Variants in ZNF385D observed in about 807,000 individuals in gnomAD.
ZNF385D encodes zinc finger protein 659.
In ZNF385D, 15 loss-of-function variants were observed where a neutral mutation model predicts 35.8. The observed-to-expected ratio is 0.42, with a 90% CI of 0.28 to 0.64. ZNF385D has a LOEUF of 0.64. Among genes scored for constraint, ZNF385D ranks in the 30% least tolerant of loss-of-function variants. The probability of loss-of-function intolerance (pLI) is 0.23; values close to 1 mark genes in which losing one functional copy is unlikely to be tolerated. For synonymous variants in ZNF385D, 212 were observed against 186.8 expected (o/e 1.13, Z -1.10); for missense variants, 474 against 494.6 (o/e 0.96, Z 0.39).
intron 3 of ZNF385D, among the ~76,000 whole-genome samples, chr3:21,818,013 T>C (rs948690350): frequency 2.0e-5 from 3 of 152,086 alleles, no homozygotes; most frequent in Admixed American, 2.0e-4. Context: ...AAAGGATGAG[T>C]TCATGTCCTT....
rs139424598 is a variant in ZNF385D at position 22,144,499 on chromosome 3, G to A, written c.325+24318C>T. 4.0e-3 allele frequency among the ~76,000 whole-genome samples: 558 copies of A among 139,582 alleles called. 2 individuals are homozygous for A. Among genetic ancestry groups the A allele is most frequent in the African/African-American group, 0.014 (523 of 36,836 alleles). 91.6% of individuals were successfully genotyped at this position (139,582 alleles called of 152,430 possible). A position where few individuals can be genotyped will look rare whatever the true frequency, so the allele number is the denominator to read the frequency against. On this transcript the variant is annotated intron_variant, in intron 3 of 5. Transcript: ENST00000494108. Reference sequence around the variant, plus strand: ...TAAGGCAGGAAATTGCTTGAAGACAGGAGGCAGAGGCAGCAATGAGCCAAG... The same window carrying A: ...TAAGGCAGGAAATTGCTTGAAGACAAGAGGCAGAGGCAGCAATGAGCCAAG...
intron 2 of ZNF385D, among the ~76,000 whole-genome samples, chr3:22,271,769 T>C (rs1313490101): frequency 2.0e-5 from 3 of 151,952 alleles, no homozygotes; most frequent in Non-Finnish European, 2.9e-5. Flanking sequence ...AACCATCCAG[T>C]CAGACTCAAA....
intron 3 of ZNF385D, among the ~76,000 whole-genome samples, chr3:22,050,454 G>A (rs748286269): frequency 2.0e-5 from 3 of 152,152 alleles, no homozygotes; most frequent in Non-Finnish European, 2.9e-5. Context: ...GAATTAAGCT[G>A]TAAAATCATC....
chr3:22,130,545 C>G (rs191384892), intron 3 of ZNF385D, among the ~76,000 whole-genome samples: 47 of 152,256 alleles, frequency 3.1e-4, no homozygotes, highest in African/African-American at 1.1e-3. Flanking sequence ...GCCAAATCTG[C>G]TCCGTGTTGC....
intron 2 of ZNF385D, among the ~76,000 whole-genome samples, chr3:22,303,164 G>T (rs1300821758): frequency 1.3e-5 from 2 of 152,104 alleles, no homozygotes; most frequent in Non-Finnish European, 2.9e-5. Context: ...GGCTGCACAT[G>T]TTGCCTAGAA....
chr3:22,175,016 T>TCC (rs1694723363), intron 2 of ZNF385D, among the ~76,000 whole-genome samples: 3 of 151,978 alleles, frequency 2.0e-5, no homozygotes, highest in African/African-American at 7.2e-5. Flanking sequence ...TAGAGTCTCT[T>TCC]ATAAAGAGTT....
At chr3:21,914,229 G>C (rs998899182) in intron 3 of ZNF385D, among the ~76,000 whole-genome samples, 1 of 152,054 alleles carries the variant, frequency 6.6e-6, no homozygotes, top group African/African-American at 2.4e-5. Context: ...TGTGGTCACT[G>C]TGTTTATTTT....
At chr3:21,461,726 T>C (rs1703190951) in intron 4 of ZNF385D, among the ~76,000 whole-genome samples, 1 of 152,220 alleles carries the variant, frequency 6.6e-6, no homozygotes. Flanking sequence ...TAATTAGGTC[T>C]CTAGCCATTT....
intron 1 of ZNF385D, among the ~76,000 whole-genome samples, chr3:21,744,362 C>T (rs570383440): frequency 6.6e-6 from 1 of 152,282 alleles, no homozygotes; most frequent in South Asian, 2.1e-4. Context: ...ACCACTTTCC[C>T]TCATCAGCAA....
intron 3 of ZNF385D, among the ~76,000 whole-genome samples, chr3:21,851,841 A>G (rs1422466889): frequency 1.3e-5 from 2 of 151,946 alleles, no homozygotes; most frequent in Admixed American, 1.3e-4. Flanking sequence ...TATAGACAAC[A>G]TTCTATTTTT....
chr3:21,632,553 G>T (rs911633333), intron 2 of ZNF385D, among the ~76,000 whole-genome samples: 1 of 152,148 alleles, frequency 6.6e-6, no homozygotes, highest in African/African-American at 2.4e-5. Context: ...CCAAAGGAAT[G>T]CAGTTAAGGG....
At chr3:22,021,582 A>C (rs981616876) in intron 3 of ZNF385D, among the ~76,000 whole-genome samples, 4 of 152,192 alleles carry the variant, frequency 2.6e-5, no homozygotes, top group South Asian at 2.1e-4. Context: ...TTTTGTGAGG[A>C]CTGAGTGAGA....
At chr3:21,962,805 T>C (rs259568) in intron 3 of ZNF385D, among the ~76,000 whole-genome samples, 21,148 of 152,218 alleles carry the variant, frequency 0.14, 3,549 homozygotes, top group African/African-American at 0.4. Flanking sequence ...TGTTTCCTGA[T>C]GAGGGAACAT....
chr3:22,289,439 C>T (rs184616223), intron 2 of ZNF385D, among the ~76,000 whole-genome samples: 3 of 152,118 alleles, frequency 2.0e-5, no homozygotes, highest in African/African-American at 4.8e-5. Flanking sequence ...CAAGAAGTAA[C>T]CAAAATCTCA....
At chr3:22,264,462 G>A (rs1052045106) in intron 2 of ZNF385D, among the ~76,000 whole-genome samples, 7 of 152,004 alleles carry the variant, frequency 4.6e-5, no homozygotes, top group African/African-American at 1.7e-4. Context: ...CAATGCATGG[G>A]TCAGAGCCTA....
At chr3:22,085,954 C>T (rs1056690159) in intron 3 of ZNF385D, among the ~76,000 whole-genome samples, 1 of 152,136 alleles carries the variant, frequency 6.6e-6, no homozygotes, top group African/African-American at 2.4e-5. Context: ...TGATAGAAAC[C>T]ACGATTATCT....
At chr3:22,128,296 C>G (rs2125680147) in intron 3 of ZNF385D, among the ~76,000 whole-genome samples, 1 of 152,232 alleles carries the variant, frequency 6.6e-6, no homozygotes, top group East Asian at 1.9e-4. Context: ...TTTCTTTTCT[C>G]TTGCTATTCT....
intron 2 of ZNF385D, among the ~76,000 whole-genome samples, chr3:22,209,961 GA>G (rs1403502588): frequency 6.6e-6 from 1 of 151,630 alleles, no homozygotes; most frequent in Non-Finnish European, 1.5e-5. Context: ...TCTAGATATT[GA>G]AAACTTCTTT....
intron 3 of ZNF385D, among the ~76,000 whole-genome samples, chr3:22,046,063 A>C (rs377025448): frequency 2.7e-5 from 4 of 150,632 alleles, no homozygotes; most frequent in East Asian, 2.0e-4. Context: ...TGGCAGATTC[A>C]GCTGGGAGGA....
Sources: allele counts gnomAD v4.1 joint callset (sites outside exome capture counted in the v4.1 genomes callset), GRCh38; gene constraint gnomAD v4.1.1; transcripts MANE v1.5; gene names NCBI Gene and HGNC (gene_info 2026-07-23, HGNC 2026-07-21).